Variants in SKAP1 observed in about 807,000 individuals in gnomAD.
SKAP1 encodes src kinase-associated phosphoprotein 1.
Under a neutral mutation model 58.5 loss-of-function variants are expected in SKAP1, and 44 were observed. That is an observed-to-expected ratio of 0.75 (90% CI 0.59 to 0.97). The LOEUF is 0.97. Among genes scored for constraint, SKAP1 ranks in the 50% least tolerant of loss-of-function variants. The pLI is 0.00. For synonymous variants in SKAP1, 127 were observed against 149.7 expected (o/e 0.85, Z 1.11); for missense variants, 390 against 435.2 (o/e 0.90, Z 0.92).
At position 48,212,692 on chromosome 17, in the gene SKAP1, T is replaced by C. The variant is rs1321717894; in HGVS notation, c.281-23192A>G. On this transcript the variant is annotated intron_variant, in intron 4 of 12. Transcript: ENST00000336915. ...GTTTAAGTCTATGGCAATGTTTGGA[T>C]TGCTTCACTGACTAGGATGATTTTA... 3.3e-5 allele frequency among the ~76,000 whole-genome samples: 5 copies of C among 152,238 alleles called. No individual in the cohort carries two copies. The South Asian group carries it at 8.3e-4, about 25-fold the overall frequency.
chr17:48,405,419 T>C (rs1422241257), intron 1 of SKAP1, among the ~76,000 whole-genome samples: 1 of 80,098 alleles, frequency 1.2e-5, no homozygotes, highest in Admixed American at 1.4e-4. Context: ...CTTTCTTTCT[T>C]TCTTTCTTTC....
At chr17:48,233,636 C>T (rs549652927) in intron 4 of SKAP1, among the ~76,000 whole-genome samples, 3 of 152,100 alleles carry the variant, frequency 2.0e-5, no homozygotes, top group Non-Finnish European at 4.4e-5. Context: ...GGGTGGATCA[C>T]GAGGTCAGGA....
chr17:48,170,726 T>C (rs7225484), intron 9 of SKAP1, 67 bp from the exon 10 acceptor site: 143,613 of 1,289,228 alleles, frequency 0.11, 7,294 homozygotes, highest in African/African-American at 0.29. Flanking sequence ...TTTTTTTTTT[T>C]CGAGATAGAG....
At chr17:48,431,060 A>G (rs2067911523), upstream of SKAP1, among the ~76,000 whole-genome samples, 1 of 152,232 alleles carries the variant, frequency 6.6e-6, no homozygotes, top group Non-Finnish European at 1.5e-5. Flanking sequence ...AATTCTCAAA[A>G]TAAAGAGGTT....
At chr17:48,177,995 T>C (rs865918138) in intron 9 of SKAP1, among the ~76,000 whole-genome samples, 1 of 152,018 alleles carries the variant, frequency 6.6e-6, no homozygotes, top group African/African-American at 2.4e-5. Context: ...TACCTACAGA[T>C]GAGTCTTCAT....
chr17:48,276,018 A>G (rs2065694950), intron 4 of SKAP1, among the ~76,000 whole-genome samples: 1 of 152,196 alleles, frequency 6.6e-6, no homozygotes, highest in Non-Finnish European at 1.5e-5. Flanking sequence ...TGCAATGGCA[A>G]GCAATGAAAC....
intron 1 of SKAP1, among the ~76,000 whole-genome samples, chr17:48,414,663 AG>A (rs550391289): frequency 5.3e-5 from 8 of 152,162 alleles, no homozygotes; most frequent in Non-Finnish European, 1.2e-4. Flanking sequence ...TATGTCAGCA[AG>A]TCAGGGTAGG....
At chr17:48,142,729 A>C (rs574519989) in intron 11 of SKAP1, among the ~76,000 whole-genome samples, 1 of 152,312 alleles carries the variant, frequency 6.6e-6, no homozygotes, top group Non-Finnish European at 1.5e-5. Context: ...TTTTAGGACC[A>C]GGGAAGTGCC....
chr17:48,300,977 T>G (rs189053829), intron 4 of SKAP1, among the ~76,000 whole-genome samples: 2 of 152,312 alleles, frequency 1.3e-5, no homozygotes, highest in Admixed American at 1.3e-4. Flanking sequence ...TGTATAGTAT[T>G]GACTGACCCA....
intron 4 of SKAP1, among the ~76,000 whole-genome samples, chr17:48,232,736 G>A (rs1306941912): frequency 6.6e-6 from 1 of 152,102 alleles, no homozygotes; most frequent in Non-Finnish European, 1.5e-5. Context: ...TAGGAGAAAA[G>A]GATTAATAAT....
chr17:48,241,295 G>C (rs1248684334), intron 4 of SKAP1, among the ~76,000 whole-genome samples: 1 of 151,880 alleles, frequency 6.6e-6, no homozygotes, highest in Non-Finnish European at 1.5e-5. Context: ...GAATCTCCAG[G>C]GACAGTGCTG....
intron 4 of SKAP1, among the ~76,000 whole-genome samples, chr17:48,195,965 CAAAAT>C (rs758024540): frequency 1.6e-4 from 24 of 152,178 alleles, no homozygotes; most frequent in Non-Finnish European, 2.9e-4. Flanking sequence ...AGATAATAAA[CAAAAT>C]AATTAAAATG....
intron 4 of SKAP1, among the ~76,000 whole-genome samples, chr17:48,249,606 C>T (rs545671402): frequency 4.6e-5 from 7 of 151,784 alleles, no homozygotes; most frequent in Admixed American, 3.3e-4. Flanking sequence ...CCCCGGAAGT[C>T]GAGGCTGCTG....
chr17:48,374,559 C>G (rs1417273463), intron 2 of SKAP1, among the ~76,000 whole-genome samples: 1 of 152,152 alleles, frequency 6.6e-6, no homozygotes, highest in Non-Finnish European at 1.5e-5. Context: ...GGATTCCATG[C>G]AAGTTGATAA....
At chr17:48,184,443 G>T (rs2064416733) in intron 7 of SKAP1, among the ~76,000 whole-genome samples, 1 of 152,166 alleles carries the variant, frequency 6.6e-6, no homozygotes, top group Non-Finnish European at 1.5e-5. Flanking sequence ...TTGATTGTGT[G>T]CTGCAATTGA....
At chr17:48,290,615 G>A (rs1303454033) in intron 4 of SKAP1, among the ~76,000 whole-genome samples, 3 of 151,518 alleles carry the variant, frequency 2.0e-5, no homozygotes, top group Non-Finnish European at 2.9e-5. Context: ...TTCTCACATA[G>A]TTTACATTAC....
chr17:48,266,459 G>A (rs1457865756), intron 4 of SKAP1, among the ~76,000 whole-genome samples: 1 of 151,590 alleles, frequency 6.6e-6, no homozygotes, highest in Non-Finnish European at 1.5e-5. Context: ...TGGCTGGAAA[G>A]CAATTTAATT....
At chr17:48,314,516 A>C (rs565905143) in intron 4 of SKAP1, among the ~76,000 whole-genome samples, 1 of 152,184 alleles carries the variant, frequency 6.6e-6, no homozygotes. Context: ...CAAAGGCCTC[A>C]GCAAACAGGG....
chr17:48,409,137 C>T (rs1421283552), intron 1 of SKAP1, among the ~76,000 whole-genome samples: 2 of 152,218 alleles, frequency 1.3e-5, no homozygotes, highest in Admixed American at 6.5e-5. Context: ...CCAGGTTACA[C>T]ACCTAGCAAG....
Sources: allele counts gnomAD v4.1 joint callset (sites outside exome capture counted in the v4.1 genomes callset), GRCh38; gene constraint gnomAD v4.1.1; transcripts MANE v1.5; gene names NCBI Gene and HGNC (gene_info 2026-07-23, HGNC 2026-07-21).